The following CACNB4 variants were observed in gnomAD, a reference collection of about 807,000 sequenced individuals.
The protein encoded by CACNB4 is calcium voltage-gated channel auxiliary subunit beta 4.
CACNB4 carries 32 observed loss-of-function variants against 71.2 expected under a neutral mutation model. The observed-to-expected ratio is 0.45, with a 90% confidence interval of 0.34 to 0.60. CACNB4 has a LOEUF of 0.60. CACNB4 is among the 20% of genes least tolerant of loss of function. The pLI is 0.01. For synonymous variants in CACNB4, 231 were observed against 236.9 expected (o/e 0.97, Z 0.23); for missense variants, 464 against 647.9 (o/e 0.72, Z 3.08).
chr2:151,841,851 T>C (rs901261796), intron 13 of CACNB4, 52 bp downstream of exon 13: 43 of 1,524,166 alleles, frequency 2.8e-5, no homozygotes, highest in Non-Finnish European at 3.5e-5. Flanking sequence ...CAAGTTCCCA[T>C]AGAATTTTAC....
intron 12 of CACNB4, chr2:151,853,091 G>A (rs2099839463): frequency 5.4e-6 from 1 of 185,088 alleles, no homozygotes; most frequent in African/African-American, 2.4e-5. Flanking sequence ...TCTTGCAGAA[G>A]AGTTAAAGGA....
At chr2:152,003,236 A>G (rs938205034) in intron 2 of CACNB4, among the ~76,000 whole-genome samples, 3 of 152,176 alleles carry the variant, frequency 2.0e-5, no homozygotes, top group Non-Finnish European at 4.4e-5. Flanking sequence ...TGAGGTCAGG[A>G]GTTCAAGACC....
intron 9 of CACNB4, among the ~76,000 whole-genome samples, chr2:151,863,057 G>T (rs540002556): frequency 7.0e-4 from 102 of 145,354 alleles, no homozygotes; most frequent in African/African-American, 2.1e-3. Context: ...GGTTTGTGTG[G>T]TTTTTTTTTT....
At chr2:151,975,027 G>A (rs564554063) in intron 2 of CACNB4, among the ~76,000 whole-genome samples, 1 of 152,296 alleles carries the variant, frequency 6.6e-6, no homozygotes, top group South Asian at 2.1e-4. Context: ...TTGGTCAGAT[G>A]ACTCTGGACC....
intron 8 of CACNB4, 101 bp from the exon 9 acceptor site, chr2:151,869,336 G>A: frequency 1.4e-6 from 1 of 691,758 alleles, no homozygotes; most frequent in South Asian, 1.8e-5. Context: ...TATGAGCCAA[G>A]ACCTTATTGT....
intron 12 of CACNB4, among the ~76,000 whole-genome samples, chr2:151,843,576 A>G (rs1172018659): frequency 1.3e-5 from 2 of 152,162 alleles, no homozygotes; most frequent in Non-Finnish European, 2.9e-5. Context: ...TCGGCCTCCC[A>G]AAGTGCTGGG....
chr2:152,088,140 A>AACAC (rs55688548), intron 2 of CACNB4, among the ~76,000 whole-genome samples: 28,773 of 136,716 alleles, frequency 0.21, 3,236 homozygotes, highest in Non-Finnish European at 0.22. Flanking sequence ...TTCCCCACTT[A>AACAC]ACACACACAC....
intron 2 of CACNB4, chr2:151,971,313 T>A (rs2099872477): frequency 1.7e-6 from 1 of 592,532 alleles, no homozygotes; most frequent in Non-Finnish European, 3.0e-6. Context: ...AATAATCACT[T>A]ATCACAAGTT....
At chr2:151,884,634 C>CAAA (rs35506114) in intron 2 of CACNB4, among the ~76,000 whole-genome samples, 19 of 61,512 alleles carry the variant, frequency 3.1e-4, no homozygotes, top group African/African-American at 5.7e-4. Context: ...GACTCCGTCT[C>CAAA]AAAAAAAAAA....
intron 4 of CACNB4, among the ~76,000 whole-genome samples, chr2:151,878,622 T>C (rs543804203): frequency 1.2e-3 from 96 of 81,538 alleles, no homozygotes; most frequent in African/African-American, 3.1e-3. Context: ...CCTAGTGTAC[T>C]ACACAATACT....
chr2:152,069,784 G>GAA (rs1379910286), intron 2 of CACNB4, among the ~76,000 whole-genome samples: 1 of 147,030 alleles, frequency 6.8e-6, no homozygotes, highest in Non-Finnish European at 1.5e-5. Flanking sequence ...CTATTGGACA[G>GAA]AAAATATTCT....
chr2:151,909,196 A>T (rs776157530), intron 2 of CACNB4, among the ~76,000 whole-genome samples: 70 of 150,448 alleles, frequency 4.7e-4, no homozygotes, highest in Middle Eastern at 3.2e-3. Flanking sequence ...TTGGGAGGCC[A>T]AGGGTAGGCG....
Position 152,038,796 on chromosome 2 carries a change from G to A in CACNB4, c.147+59534C>T, listed in dbSNP as rs1047799078. On this transcript the variant is annotated intron_variant, in intron 2 of 13. Transcript: ENST00000539935. Reference sequence around the variant, plus strand: ...CTGACTGGTGCTAGGACACGTTAGTGGTGGAGAGGGACAGTTCCCTCAGGC... The same window carrying A: ...CTGACTGGTGCTAGGACACGTTAGTAGTGGAGAGGGACAGTTCCCTCAGGC... Among the ~76,000 whole-genome samples, 8 of 152,140 alleles carry A rather than the reference G, an allele frequency of 5.3e-5. No homozygotes were observed. In the South Asian group the frequency reaches 8.3e-4, roughly 16 times the overall value.
intron 2 of CACNB4, among the ~76,000 whole-genome samples, chr2:152,082,227 T>G (rs1406441644): frequency 6.6e-6 from 1 of 152,244 alleles, no homozygotes; most frequent in Non-Finnish European, 1.5e-5. Context: ...GAGTTATAAA[T>G]TCCAGCTCTA....
chr2:152,080,521 C>T lies in CACNB4; in HGVS notation c.147+17809G>A, dbSNP rs186458329. Among the ~76,000 whole-genome samples the T allele has an allele frequency of 8.5e-5, 13 of 152,256 alleles. No homozygotes were observed. The East Asian group carries it at 2.3e-3, about 27-fold the overall frequency. On this transcript the variant is annotated intron_variant, in intron 2 of 13. Coordinates refer to ENST00000539935, the MANE Select transcript of CACNB4 (RefSeq NM_000726.5). ...TGTGTAGTTTTCTTAAACAAGTTTA[C>T]TTTTACCCTTGGACATTGAAAAATC...
intron 2 of CACNB4, among the ~76,000 whole-genome samples, chr2:151,923,486 C>T (rs1317545664): frequency 6.6e-6 from 1 of 152,218 alleles, no homozygotes. Flanking sequence ...CCCCGTGTAG[C>T]CCCTTGCTGA....
intron 2 of CACNB4, among the ~76,000 whole-genome samples, chr2:151,965,859 A>G (rs1344391839): frequency 6.6e-6 from 1 of 152,218 alleles, no homozygotes; most frequent in Non-Finnish European, 1.5e-5. Context: ...GGCTTCTAGA[A>G]TTAAAAGTCT....
At chr2:151,873,444 C>T (rs1384921210) in intron 5 of CACNB4, 1 of 152,172 alleles carries the variant, frequency 6.6e-6, no homozygotes. Flanking sequence ...AATTTTGGAA[C>T]ATTCTGGATT....
Position 151,888,695 on chromosome 2 carries a change from G to A in CACNB4, c.148-5325C>T, listed in dbSNP as rs115190500. Among the ~76,000 whole-genome samples the A allele has an allele frequency of 9.7e-3, 1,471 of 152,304 alleles. 19 individuals carry two copies. Among genetic ancestry groups the A allele is most frequent in the Non-Finnish European group, 0.016 (1,093 of 68,026 alleles). On this transcript the variant is annotated intron_variant, in intron 2 of 13. Coordinates refer to ENST00000539935, the MANE Select transcript of CACNB4 (RefSeq NM_000726.5). The stretch of plus-strand genomic sequence containing the variant: ...TAGCTTAGCTGTCCATTCACAGAAC[G>A]CTGAGCATCAGTCAGATACTGGAGT...
Sources: gnomAD v4.1 joint callset for allele counts (sites outside exome capture counted in the v4.1 genomes callset) on GRCh38, gnomAD v4.1.1 for gene constraint, MANE v1.5 for transcripts, NCBI Gene and HGNC (gene_info 2026-07-23, HGNC 2026-07-21) for gene names.